Variants in SH3RF1 observed in about 807,000 individuals in gnomAD.
SH3RF1 encodes E3 ubiquitin-protein ligase SH3RF1.
In SH3RF1, 32 loss-of-function variants were observed where a neutral mutation model predicts 74.0. The ratio of observed to expected loss-of-function variants is 0.43; its 90% confidence interval spans 0.33 to 0.58. The LOEUF is 0.58. Among genes scored for constraint, SH3RF1 ranks in the 20% least tolerant of loss-of-function variants. The probability of loss-of-function intolerance (pLI) is 0.05; values close to 1 mark genes in which losing one functional copy is unlikely to be tolerated. For missense variants in SH3RF1, 954 were observed against 1,130.9 expected, an observed-to-expected ratio of 0.84 and a Z score of 2.24; for synonymous variants, 396 against 439.6, an observed-to-expected ratio of 0.90 and a Z score of 1.24.
At chr4:169,255,318 A>AC (rs1561066010) in intron 2 of SH3RF1, among the ~76,000 whole-genome samples, 1 of 152,230 alleles carries the variant, frequency 6.6e-6, no homozygotes, top group Non-Finnish European at 1.5e-5. Context: ...AAGGCTCTTC[A>AC]CTGTTGCAGC....
At chr4:169,208,812 C>T (rs1004670559) in intron 2 of SH3RF1, among the ~76,000 whole-genome samples, 4 of 151,962 alleles carry the variant, frequency 2.6e-5, no homozygotes, top group African/African-American at 9.7e-5. Flanking sequence ...CTTTGTAATT[C>T]AAGGGAAAGC....
intron 8 of SH3RF1, among the ~76,000 whole-genome samples, chr4:169,118,702 C>A (rs922007886): frequency 2.6e-5 from 4 of 152,254 alleles, no homozygotes; most frequent in African/African-American, 9.6e-5. Context: ...GGTGATCCAC[C>A]CGCCTCAGCC....
chr4:169,116,640 G>T lies in SH3RF1; in HGVS notation c.1778-10C>A, dbSNP rs1318191312. The stretch of plus-strand genomic sequence containing the variant: ...TGGTTGTGCGCTGCAACTAGTAGAT[G>T]GGAAGAGGGAACACAGCAAAATTCA... On this transcript the variant is annotated splice_polypyrimidine_tract_variant and intron_variant, in intron 9 of 11. Coordinates refer to ENST00000284637, the MANE Select transcript of SH3RF1 (RefSeq NM_020870.4). The T allele has an allele frequency of 6.6e-7, 1 of 1,519,860 alleles. No homozygotes were observed. Among genetic ancestry groups the T allele is most frequent in the Non-Finnish European group, 8.8e-7 (1 of 1,131,596 alleles). The allele number at this position is 1,519,860 out of a possible 1,614,324, so 94.1% of individuals were successfully genotyped here. A position where few individuals can be genotyped will look rare whatever the true frequency, so the allele number is the denominator to read the frequency against.
intron 2 of SH3RF1, among the ~76,000 whole-genome samples, chr4:169,225,682 A>G (rs1175415862): frequency 2.0e-5 from 3 of 152,172 alleles, no homozygotes; most frequent in Non-Finnish European, 4.4e-5. Flanking sequence ...AGCCTACACT[A>G]TTTTTCAAGG....
At chr4:169,207,412 G>C (rs560617736) in intron 2 of SH3RF1, among the ~76,000 whole-genome samples, 3 of 151,736 alleles carry the variant, frequency 2.0e-5, no homozygotes, top group African/African-American at 7.3e-5. Context: ...AGGTGACTGA[G>C]TGAGACCCTG....
intron 2 of SH3RF1, among the ~76,000 whole-genome samples, chr4:169,224,622 A>G (rs972045492): frequency 2.0e-5 from 3 of 152,152 alleles, no homozygotes; most frequent in African/African-American, 7.2e-5. Flanking sequence ...CCGACCTCTA[A>G]TTTCTATCTT....
intron 2 of SH3RF1, among the ~76,000 whole-genome samples, chr4:169,171,432 G>A (rs897642975): frequency 1.1e-4 from 16 of 152,144 alleles, no homozygotes; most frequent in Non-Finnish European, 4.4e-5. Context: ...GAAACAGACC[G>A]TATTCAGGCA....
chr4:169,133,930 A>C (rs1021894629), intron 5 of SH3RF1, among the ~76,000 whole-genome samples: 1 of 152,166 alleles, frequency 6.6e-6, no homozygotes, highest in African/African-American at 2.4e-5. Context: ...GGGGAAAAGG[A>C]GAGTCCTGTT....
intron 4 of SH3RF1, among the ~76,000 whole-genome samples, chr4:169,137,790 T>C (rs1200219405): frequency 6.6e-6 from 1 of 152,232 alleles, no homozygotes; most frequent in Non-Finnish European, 1.5e-5. Context: ...CACAAAGCCA[T>C]GTTAACTGGA....
At chr4:169,225,260 A>G (rs1461943959) in intron 2 of SH3RF1, among the ~76,000 whole-genome samples, 16 of 152,196 alleles carry the variant, frequency 1.1e-4, no homozygotes, top group Admixed American at 1.0e-3. Flanking sequence ...CTTCGGCTTC[A>G]GACATATTAG....
intron 2 of SH3RF1, among the ~76,000 whole-genome samples, chr4:169,165,650 C>G (rs914973262): frequency 6.6e-6 from 1 of 151,382 alleles, no homozygotes; most frequent in African/African-American, 2.4e-5. Flanking sequence ...GGGGGGGAGT[C>G]AGGTAAGGCC....
chr4:169,223,860 C>CA (rs1310872105), intron 2 of SH3RF1, among the ~76,000 whole-genome samples: 1 of 151,872 alleles, frequency 6.6e-6, no homozygotes, highest in Non-Finnish European at 1.5e-5. Flanking sequence ...GGAAGGGAGC[C>CA]AAAAAAGCAC....
chr4:169,103,260 G>T lies in SH3RF1; in HGVS notation c.2498+3587C>A, dbSNP rs934781887. On this transcript the variant is annotated intron_variant, in intron 11 of 11. Transcript: ENST00000284637. ...ACATTCTTTTACTTTAGATGTATGA[G>T]ATAGGGTCATGGTTTGAGAGGAAAT... is the stretch of plus-strand genomic sequence containing the variant. Among the ~76,000 whole-genome samples, 4 of 151,938 alleles carry T rather than the reference G, an allele frequency of 2.6e-5. No individual in the cohort carries two copies. In the South Asian group the frequency reaches 8.3e-4, roughly 32 times the overall value.
At chr4:169,206,657 C>G (rs1353479004) in intron 2 of SH3RF1, among the ~76,000 whole-genome samples, 4 of 152,202 alleles carry the variant, frequency 2.6e-5, no homozygotes, top group East Asian at 1.9e-4. Context: ...ACAGAGAATC[C>G]CTGCCCCAAG....
At chr4:169,153,823 C>T (rs955468225) in intron 4 of SH3RF1, among the ~76,000 whole-genome samples, 1 of 152,182 alleles carries the variant, frequency 6.6e-6, no homozygotes, top group Admixed American at 6.5e-5. Flanking sequence ...AATGAAAATA[C>T]TTTCTACTTG....
intron 4 of SH3RF1, among the ~76,000 whole-genome samples, chr4:169,151,281 C>CAG (rs1733971855): frequency 6.6e-6 from 1 of 151,974 alleles, no homozygotes; most frequent in South Asian, 2.1e-4. Context: ...GAAATACTCA[C>CAG]AGAGAGAAAA....
At chr4:169,112,278 A>G (rs1579087507) in intron 10 of SH3RF1, among the ~76,000 whole-genome samples, 4 of 152,328 alleles carry the variant, frequency 2.6e-5, no homozygotes, top group Admixed American at 6.5e-5. Context: ...TGATAGTTTA[A>G]TCTCACAGAA....
At position 169,103,076 on chromosome 4, in the gene SH3RF1, G is replaced by A. The variant is rs550135322; in HGVS notation, c.2498+3771C>T. ...GCTGGGATTACAGGTGCCCGCCACC[G>A]CGCCTGGCTATTTTTTTTTTTTTTT... On this transcript the variant is annotated intron_variant, in intron 11 of 11. Coordinates refer to ENST00000284637, the MANE Select transcript of SH3RF1 (RefSeq NM_020870.4). 4.1e-3 allele frequency among the ~76,000 whole-genome samples: 591 copies of A among 143,906 alleles called. 7 individuals carry two copies. Among genetic ancestry groups the A allele is most frequent in the East Asian group, 0.027 (134 of 4,902 alleles). The allele number at this position is 143,906 out of a possible 152,430, so 94.4% of individuals were successfully genotyped here.
At chr4:169,181,194 A>C (rs1734504197) in intron 2 of SH3RF1, among the ~76,000 whole-genome samples, 1 of 149,528 alleles carries the variant, frequency 6.7e-6, no homozygotes, top group Non-Finnish European at 1.5e-5. Context: ...TCAGCTTCTC[A>C]TTCCTCCTAA....
Sources: allele counts gnomAD v4.1 joint callset (sites outside exome capture counted in the v4.1 genomes callset), GRCh38; gene constraint gnomAD v4.1.1; transcripts MANE v1.5; gene names NCBI Gene and HGNC (gene_info 2026-07-23, HGNC 2026-07-21).